CGN: variants seen among roughly 807,000 people sequenced by gnomAD.
The protein encoded by CGN is cingulin.
Under a neutral mutation model 157.1 loss-of-function variants are expected in CGN, and 121 were observed. That is an observed-to-expected ratio of 0.77 (90% confidence interval 0.66 to 0.90). The LOEUF is 0.90. CGN is among the 40% of genes least tolerant of loss of function. CGN has a pLI of 0.00. For synonymous variants in CGN, 535 were observed against 607.5 expected (o/e 0.88, Z 1.76); for missense variants, 1,424 against 1,520.9 (o/e 0.94, Z 1.06).
In CGN at chr1:151,520,789, A is replaced by G. The variant is rs1300650236; in HGVS notation, c.1140+98A>G. On this transcript the variant is annotated intron_variant, in intron 5 of 20. Transcript: ENST00000271636. Reference sequence around the variant, plus strand: ...GCTGACCCTTCTAAGCAATGGAACAAGCATGTTTGTGTCTTATGAGACAAG... The same window carrying G: ...GCTGACCCTTCTAAGCAATGGAACAGGCATGTTTGTGTCTTATGAGACAAG... 5.4e-6 allele frequency: 5 copies of G among 928,124 alleles called. No individual in the cohort carries two copies. The Admixed American group carries it at 8.4e-5, about 16-fold the overall frequency. 57.5% of individuals were successfully genotyped at this position (928,124 alleles called of 1,614,324 possible). A position where few individuals can be genotyped will look rare whatever the true frequency, so the allele number is the denominator to read the frequency against.
At chr1:151,532,237 G>T (rs1664852121) in intron 13 of CGN, among the ~76,000 whole-genome samples, 165 bp from the exon 14 acceptor site, 1 of 152,172 alleles carries the variant, frequency 6.6e-6, no homozygotes, top group East Asian at 1.9e-4. Flanking sequence ...TTTGAACCCA[G>T]ACATCTGTAT....
chr1:151,529,864 G>A, intron 11 of CGN, 45 bp from the exon 12 acceptor site: 2 of 1,567,326 alleles, frequency 1.3e-6, no homozygotes, highest in Non-Finnish European at 1.7e-6. Flanking sequence ...GGTCTGAGCT[G>A]CCACGCCCTG....
rs142913144 is a variant in CGN at position 151,525,667 on chromosome 1, G to A, written c.1640G>A (p.Arg547Lys). Residue 547 changes from arginine (R) to lysine (K), a missense_variant, in exon 9 of 21, where the codon AGG becomes AAG. Arg to Lys is a conservative substitution (Grantham distance 26). Transcript: ENST00000271636. Reference protein sequence around the residue: ...TQDHAVLEAERQKMSALVRGL... With the variant: ...TQDHAVLEAEKQKMSALVRGL... Reference sequence around the variant, plus strand: ...GACCATGCAGTGCTGGAGGCCGAGAGGCAGAAGATGTCAGCCCTTGTGCGA... The same window carrying A: ...GACCATGCAGTGCTGGAGGCCGAGAAGCAGAAGATGTCAGCCCTTGTGCGA... The A allele has an allele frequency of 0.011, 17,116 of 1,608,222 alleles. 130 individuals carry two copies. The highest frequency in any genetic ancestry group is 0.013 in the Non-Finnish European group (15,214 of 1,177,074).
rs545519433 is a variant in CGN, at chr1:151,530,870, G to A, written c.2571+124G>A. ...TGTGTGATGATTATGGCCAGGTGCG[G>A]TGACTCACTCCTGTAATTCCAGCAC... On this transcript the variant is annotated intron_variant, in intron 13 of 20. Coordinates refer to ENST00000271636, the MANE Select transcript of CGN (RefSeq NM_020770.3). 2.3e-5 allele frequency: 23 copies of A among 984,580 alleles called. No individual in the cohort carries two copies. The African/African-American group carries it at 2.9e-4, about 13-fold the overall frequency. The allele number at this position is 984,580 out of a possible 1,614,324, so 61.0% of individuals were successfully genotyped here. A position where few individuals can be genotyped will look rare whatever the true frequency, so the allele number is the denominator to read the frequency against.
In CGN at chr1:151,519,268, A is replaced by G. The variant is rs1458024446; in HGVS notation, c.749A>G (p.Gln250Arg). 4.3e-6 allele frequency: 7 copies of G among 1,613,964 alleles called. No homozygotes were observed. The highest frequency in any genetic ancestry group is 5.1e-6 in the Non-Finnish European group (6 of 1,180,018). ...KYDNHVGTSK[Q>R]PAQSQNLSPL... is the part of the protein sequence containing the mutation. ...GACAACCATGTGGGCACTTCGAAGC[A>G]GCCAGCCCAGAGCCAGAACCTGAGT... The change falls in exon 2 of 21, where the codon CAG (glutamine) becomes CGG (arginine). Residue 250 changes from glutamine (Q) to arginine (R), a missense_variant. Around this residue, in one of 3 missense-constraint regions of CGN, gnomAD observed 1,187 missense variants for 1,217.6 expected, o/e 0.97. Coordinates refer to ENST00000271636, the MANE Select transcript of CGN (RefSeq NM_020770.3).
intron 19 of CGN, 41 bp downstream of exon 19, chr1:151,536,386 G>A (rs1380153503): frequency 8.8e-7 from 1 of 1,133,042 alleles, no homozygotes; most frequent in Non-Finnish European, 1.3e-6. Flanking sequence ...CCTGGGGCAG[G>A]TATATATTAT....
chr1:151,526,889 G>T (rs895466376), intron 9 of CGN, 86 bp from the exon 10 acceptor site: 2 of 1,531,544 alleles, frequency 1.3e-6, no homozygotes, highest in African/African-American at 1.4e-5. Flanking sequence ...CTCCAGAGAG[G>T]TGGCTTTTAT....
chr1:151,532,263 A>G (rs1281181924), intron 13 of CGN, 139 bp from the exon 14 acceptor site: 17 of 538,842 alleles, frequency 3.2e-5, no homozygotes, highest in Non-Finnish European at 5.0e-5. Flanking sequence ...TATTAGCTAT[A>G]CTAGGAACCT....
Position 151,518,983 on chromosome 1 carries a change from G to A in CGN, c.464G>A (p.Ser155Asn). The A allele has an allele frequency of 6.2e-7, 1 of 1,614,228 alleles. No homozygotes were observed. Among genetic ancestry groups the A allele is most frequent in the Non-Finnish European group, 8.5e-7 (1 of 1,180,038 alleles). The stretch of plus-strand genomic sequence containing the variant: ...GTGGATCCTAGTAACAGAAGCAACA[G>A]CATGCTGGAGCTAGCCCCGAAAGTG... The part of the protein sequence containing the change: ...GPVDPSNRSN[S>N]MLELAPKVAS... Residue 155 changes from serine (S) to asparagine (N), a missense_variant, in exon 2 of 21, where the codon AGC (serine) becomes AAC (asparagine). Around this residue, in one of 3 missense-constraint regions of CGN, gnomAD observed 1,187 missense variants for 1,217.6 expected, o/e 0.97. Transcript: ENST00000271636.
chr1:151,525,383 A>G (rs1664648388), intron 8 of CGN, among the ~76,000 whole-genome samples: 1 of 152,126 alleles, frequency 6.6e-6, no homozygotes, highest in South Asian at 2.1e-4. Flanking sequence ...TGGGCAACAC[A>G]GCGAGACTCT....
In CGN at chr1:151,524,803, C is replaced by T. The variant is rs543323652; in HGVS notation, c.1531C>T (p.Arg511Cys). The change falls in exon 8 of 21, where the codon CGT becomes TGT. Residue 511 changes from arginine to cysteine, a missense_variant. Transcript: ENST00000271636. The surrounding 1 kb of genome is among the most constrained non-coding windows in gnomAD (Gnocchi z 4.4). ...GGCCCTGAAAGAGGAGGTAGCCTCC[C>T]GTGACCAGGAGGTGGAACATGTCCG... ...KGALKEEVAS[R>C]DQEVEHVRQQ... 56 of 1,612,634 alleles carry T rather than the reference C, an allele frequency of 3.5e-5. No individual in the cohort carries two copies. Among genetic ancestry groups the T allele is most frequent in the African/African-American group, 4.0e-5 (3 of 74,966 alleles).
Position 151,527,000 on chromosome 1 carries a change from G to A in CGN, c.1789G>A (p.Glu597Lys), listed in dbSNP as rs772512067. 2 of 1,614,174 alleles carry A rather than the reference G, an allele frequency of 1.2e-6. No individual in the cohort carries two copies. Among genetic ancestry groups the A allele is most frequent in the East Asian group, 2.2e-5 (1 of 44,878 alleles). Residue 597 changes from glutamate (E) to lysine (K), a missense_variant, in exon 10 of 21, where the codon GAG (glutamate) becomes AAG (lysine). By Grantham distance (56) the Glu-to-Lys change is moderately conservative. Transcript: ENST00000271636. The part of the protein sequence containing the change: ...QELLQLRMEK[E>K]EMEEELGEKI... ...ACTCCTGCAGCTGCGAATGGAGAAG[G>A]AGGAGATGGAAGAGGAGCTTGGAGA...
chr1:151,529,392 G>A lies in CGN; in HGVS notation c.1939G>A (p.Glu647Lys). 4 of 1,613,868 alleles carry A rather than the reference G, an allele frequency of 2.5e-6. No homozygotes were observed. Among genetic ancestry groups the A allele is most frequent in the Non-Finnish European group, 3.4e-6 (4 of 1,179,886 alleles). The change falls in exon 11 of 21, where the codon GAA becomes AAA. Residue 647 changes from glutamate to lysine, a missense_variant. Around this residue, in one of 3 missense-constraint regions of CGN, gnomAD observed 1,187 missense variants for 1,217.6 expected, o/e 0.97. Transcript: ENST00000271636. ...GGAGGAGCTTAAGGAACTGCAGGCA[G>A]AACGGCAGAGCCAGGAGGTGGCTGG... is the stretch of plus-strand genomic sequence containing the variant. ...TQEELKELQAERQSQEVAGRH... is the reference protein window; with the variant it reads ...TQEELKELQAKRQSQEVAGRH...
intron 5 of CGN, among the ~76,000 whole-genome samples, chr1:151,521,424 G>T (rs1664540477): frequency 6.6e-6 from 1 of 152,238 alleles, no homozygotes; most frequent in Non-Finnish European, 1.5e-5. Context: ...CTGTGTAACT[G>T]ACCTTGGGCA....
intron 12 of CGN, 36 bp from the exon 13 acceptor site, chr1:151,530,453 C>T: frequency 6.6e-7 from 1 of 1,515,638 alleles, no homozygotes; most frequent in Non-Finnish European, 8.8e-7. Flanking sequence ...CAAGTTTTAC[C>T]TTTTCTCAGT....
intron 9 of CGN, among the ~76,000 whole-genome samples, chr1:151,526,587 C>T (rs758373349): frequency 6.6e-6 from 1 of 152,144 alleles, no homozygotes; most frequent in Non-Finnish European, 1.5e-5. Context: ...CATCCTCCCA[C>T]CTCAGCCTCC....
At chr1:151,520,986 T>C (rs1166317384) in intron 5 of CGN, among the ~76,000 whole-genome samples, 4 of 152,096 alleles carry the variant, frequency 2.6e-5, no homozygotes, top group African/African-American at 9.7e-5. Flanking sequence ...TTACATTCTC[T>C]GTGCCTCAAT....
rs565192703 is a variant in CGN, at chr1:151,511,463, C to CGAGCCT, written c.-62_-61insTGAGCC. 5.8e-3 allele frequency: 1,092 copies of CGAGCCT among 187,840 alleles called. 22 individuals carry two copies. Among genetic ancestry groups the CGAGCCT allele is most frequent in the African/African-American group, 0.025 (1,049 of 41,910 alleles). The allele number at this position is 187,840 out of a possible 1,614,324, so 11.6% of individuals were successfully genotyped here. ...CCGAGCCCGAGCCCGAGCCCGAGCC[C>CGAGCCT]GAGCCCGAGCCCGAGCCCGAACGCA... On this transcript the variant is annotated 5_prime_UTR_variant, in exon 1 of 21. Coordinates refer to ENST00000271636, the MANE Select transcript of CGN (RefSeq NM_020770.3). This position sits in a 1 kb window ranked among gnomAD's most constrained non-coding sequence, Gnocchi z 4.8.
At chr1:151,523,409 G>T (rs201753097) in intron 5 of CGN, 25 bp from the exon 6 acceptor site, 1 of 1,593,368 alleles carries the variant, frequency 6.3e-7, no homozygotes, top group East Asian at 2.2e-5. Context: ...CCCTCTACCT[G>T]CTGTACTCTC....
Sources: gnomAD v4.1 joint callset for allele counts (sites outside exome capture counted in the v4.1 genomes callset) on GRCh38, gnomAD v4.1.1 for gene constraint, gnomAD v4.1.1 regional missense constraint, Gnocchi (gnomAD v3.1) non-coding constraint, MANE v1.5 for transcripts, NCBI Gene and HGNC (gene_info 2026-07-23, HGNC 2026-07-21) for gene names.